Variants in CEP128 observed in about 807,000 individuals in gnomAD.
CEP128 encodes the protein centrosomal protein 128, also known as centrosomal protein 128kDa.
A neutral mutation model predicts 156.7 loss-of-function variants in CEP128; 132 were observed. That is an observed-to-expected ratio of 0.84 (90% CI 0.73 to 0.97). The LOEUF (loss-of-function observed/expected upper bound fraction) is 0.97, where lower values mean the gene tolerates loss of function less well. Among genes scored for constraint, CEP128 ranks in the 50% least tolerant of loss-of-function variants. CEP128 has a pLI of 0.00. For missense variants in CEP128, 1,252 were observed against 1,281.9 expected, an observed-to-expected ratio of 0.98 and a Z score of 0.36; for synonymous variants, 469 against 448.9, an observed-to-expected ratio of 1.04 and a Z score of -0.57.
chr14:80,644,962 A>G (rs1894574138), intron 19 of CEP128, among the ~76,000 whole-genome samples: 1 of 152,202 alleles, frequency 6.6e-6, no homozygotes, highest in Non-Finnish European at 1.5e-5. Flanking sequence ...CTCATTCAAT[A>G]AAAATGAGAG....
At chr14:80,690,381 A>T (rs1204262594) in intron 19 of CEP128, among the ~76,000 whole-genome samples, 1 of 150,910 alleles carries the variant, frequency 6.6e-6, no homozygotes, top group African/African-American at 2.4e-5. Flanking sequence ...GCATCATTGT[A>T]CTCCAGCCTA....
chr14:80,886,441 C>A (rs1888803801), intron 8 of CEP128, among the ~76,000 whole-genome samples: 1 of 152,210 alleles, frequency 6.6e-6, no homozygotes, highest in Non-Finnish European at 1.5e-5. Flanking sequence ...TCAGCAGAAA[C>A]CCTACAAGCC....
At chr14:80,839,015 C>T (rs12587373) in intron 10 of CEP128, among the ~76,000 whole-genome samples, 15,127 of 152,160 alleles carry the variant, frequency 0.099, 1,248 homozygotes, top group East Asian at 0.43. Context: ...AGAAGAATGG[C>T]GTGAACCTGG....
intron 23 of CEP128, among the ~76,000 whole-genome samples, chr14:80,507,055 A>G (rs1474671090): frequency 6.6e-6 from 1 of 151,892 alleles, no homozygotes; most frequent in Non-Finnish European, 1.5e-5. Context: ...TGCTTTTGCC[A>G]TGTGAAGTGC....
rs148933388 is a variant in CEP128, at chr14:80,751,725, G to A, written c.2613+5167C>T. 5.3e-3 allele frequency among the ~76,000 whole-genome samples: 799 copies of A among 151,832 alleles called. 8 individuals carry two copies. The highest frequency in any genetic ancestry group is 0.018 in the African/African-American group (762 of 41,366). On this transcript the variant is annotated intron_variant, in intron 18 of 24. Transcript: ENST00000555265. Reference sequence around the variant, plus strand: ...GCTCACTACAACCTTTGCCTCCTGGGTTGAAGCGATTCTCCTGCCTCAGCA... The same window carrying A: ...GCTCACTACAACCTTTGCCTCCTGGATTGAAGCGATTCTCCTGCCTCAGCA...
chr14:80,713,935 A>C (rs1330260244), intron 19 of CEP128, among the ~76,000 whole-genome samples: 1 of 152,162 alleles, frequency 6.6e-6, no homozygotes, highest in African/African-American at 2.4e-5. Context: ...TAGCCATCCA[A>C]TGCTGCAGTT....
At chr14:80,538,139 C>T (rs1191486293) in intron 21 of CEP128, among the ~76,000 whole-genome samples, 1 of 150,196 alleles carries the variant, frequency 6.7e-6, no homozygotes, top group African/African-American at 2.4e-5. Flanking sequence ...AAGTACTTTT[C>T]AAACAGCAGA....
chr14:80,546,316 T>C (rs570498085), intron 21 of CEP128, among the ~76,000 whole-genome samples: 1 of 151,938 alleles, frequency 6.6e-6, no homozygotes, highest in South Asian at 2.1e-4. Flanking sequence ...CTTGGAGAGG[T>C]TAAGTGAGTC....
At chr14:80,645,568 C>T (rs900426820) in intron 19 of CEP128, among the ~76,000 whole-genome samples, 1 of 152,136 alleles carries the variant, frequency 6.6e-6, no homozygotes. Context: ...AATCATGGCA[C>T]CAAAAGCTGG....
chr14:80,590,162 G>A (rs1188942079), intron 19 of CEP128, among the ~76,000 whole-genome samples: 1 of 152,136 alleles, frequency 6.6e-6, no homozygotes, highest in Admixed American at 6.5e-5. Context: ...AATCCTCACA[G>A]AACTGGGTAT....
At chr14:80,558,670 G>C (rs1459214441) in intron 21 of CEP128, among the ~76,000 whole-genome samples, 1 of 152,132 alleles carries the variant, frequency 6.6e-6, no homozygotes, top group Non-Finnish European at 1.5e-5. Flanking sequence ...TGATCCACCT[G>C]CCTCGGCCTC....
At chr14:80,898,507 A>G (rs970247930) in intron 7 of CEP128, among the ~76,000 whole-genome samples, 7 of 152,188 alleles carry the variant, frequency 4.6e-5, no homozygotes, top group African/African-American at 1.7e-4. Flanking sequence ...CCAGATACTA[A>G]CAGCCCAGTC....
intron 1 of CEP128, among the ~76,000 whole-genome samples, chr14:80,941,137 C>A (rs771677690): frequency 2.6e-4 from 40 of 152,136 alleles, no homozygotes; most frequent in Non-Finnish European, 4.9e-4. Flanking sequence ...ACTAATAAAG[C>A]GTTCCCGAGA....
intron 16 of CEP128, among the ~76,000 whole-genome samples, chr14:80,769,780 A>G (rs1268770347): frequency 6.6e-6 from 1 of 152,236 alleles, no homozygotes. Context: ...TGCTTGTTCA[A>G]CATTAAACAA....
intron 16 of CEP128, among the ~76,000 whole-genome samples, chr14:80,767,774 T>C (rs1421805324): frequency 6.6e-6 from 1 of 152,052 alleles, no homozygotes; most frequent in East Asian, 1.9e-4. Flanking sequence ...ATAGAGCTAA[T>C]AGAAAAAAGG....
At chr14:80,842,492 G>A (rs1449206478) in intron 9 of CEP128, among the ~76,000 whole-genome samples, 1 of 151,806 alleles carries the variant, frequency 6.6e-6, no homozygotes, top group African/African-American at 2.4e-5. Flanking sequence ...TGACACTTAA[G>A]ACCCATTAAA....
chr14:80,703,909 AATTTATAGCCAC>A (rs1897154126), intron 19 of CEP128, among the ~76,000 whole-genome samples: 1 of 152,050 alleles, frequency 6.6e-6, no homozygotes, highest in South Asian at 2.1e-4. Flanking sequence ...TCATCCAACT[AATTTATAGCCAC>A]AGTTACCTCC....
rs150571193 is a variant in CEP128 at position 80,816,840 on chromosome 14, G to A, written c.1209+14303C>T. ...TAACAAAAAAATCAAACAAAGAGAC[G>A]GCTAAGAGCCCTCTTGGGAGTCTGA... On this transcript the variant is annotated intron_variant, in intron 13 of 24. Transcript: ENST00000555265. Among the ~76,000 whole-genome samples, 33 of 152,186 alleles carry A rather than the reference G, an allele frequency of 2.2e-4. No homozygotes were observed. The East Asian group carries it at 5.4e-3, about 25-fold the overall frequency.
chr14:80,644,947 C>G (rs1894573598), intron 19 of CEP128, among the ~76,000 whole-genome samples: 1 of 152,082 alleles, frequency 6.6e-6, no homozygotes, highest in Admixed American at 6.6e-5. Flanking sequence ...ACAAATGAAT[C>G]ATATCTCATT....
Sources: gnomAD v4.1 joint callset for allele counts (sites outside exome capture counted in the v4.1 genomes callset) on GRCh38, gnomAD v4.1.1 for gene constraint, MANE v1.5 for transcripts, NCBI Gene and HGNC (gene_info 2026-07-23, HGNC 2026-07-21) for gene names.